The following AP3B1 variants were observed in gnomAD, a reference collection of about 807,000 sequenced individuals.
AP3B1 encodes adaptor related protein complex 3 subunit beta 1.
A neutral mutation model predicts 132.5 loss-of-function variants in AP3B1; 61 were observed. That is an observed-to-expected ratio of 0.46 (90% CI 0.37 to 0.57). The LOEUF (loss-of-function observed/expected upper bound fraction) is 0.57, where lower values mean the gene tolerates loss of function less well. AP3B1 is among the 20% of genes least tolerant of loss of function. The probability of loss-of-function intolerance (pLI) is 0.00; values close to 1 mark genes in which losing one functional copy is unlikely to be tolerated. For missense variants in AP3B1, 1,120 were observed against 1,289.4 expected, an observed-to-expected ratio of 0.87 and a Z score of 2.01; for synonymous variants, 388 against 438.3, an observed-to-expected ratio of 0.89 and a Z score of 1.43.
At position 78,046,453 on chromosome 5, in the gene AP3B1, C is replaced by T. The variant is rs543790862; in HGVS notation, c.2578-7179G>A. ...CATGGAAAAACTGTCTTCCACAAAA[C>T]GGGTCCCTGGTGCCAAAAAGGGCTC... On this transcript the variant is annotated intron_variant, in intron 22 of 26. Transcript: ENST00000255194. 1.1e-4 allele frequency among the ~76,000 whole-genome samples: 17 copies of T among 152,294 alleles called. No homozygotes were observed. The South Asian group carries it at 3.5e-3, about 32-fold the overall frequency.
At chr5:78,077,889 A>T in intron 22 of AP3B1, among the ~76,000 whole-genome samples, 1 of 151,546 alleles carries the variant, frequency 6.6e-6, no homozygotes. Context: ...TCTATGACTC[A>T]CCTCCTTCTT....
chr5:78,009,291 C>CAAA (rs1286628758), intron 26 of AP3B1, among the ~76,000 whole-genome samples: 2 of 51,944 alleles, frequency 3.9e-5, no homozygotes, highest in East Asian at 5.2e-4. Flanking sequence ...CCTGTCTCTA[C>CAAA]AAAAAAAAAA....
chr5:78,086,309 C>T (rs984600160), intron 22 of AP3B1, among the ~76,000 whole-genome samples: 1 of 152,088 alleles, frequency 6.6e-6, no homozygotes, highest in Non-Finnish European at 1.5e-5. Flanking sequence ...TAATGATGTA[C>T]GTGTAATGAA....
rs559501280 is a variant in AP3B1, at chr5:78,077,778, C to T, written c.2577+11615G>A. Among the ~76,000 whole-genome samples, 4 of 152,310 alleles carry T rather than the reference C, an allele frequency of 2.6e-5. No homozygotes were observed. The East Asian group carries it at 7.7e-4, about 29-fold the overall frequency. On this transcript the variant is annotated intron_variant, in intron 22 of 26. Coordinates refer to ENST00000255194, the MANE Select transcript of AP3B1 (RefSeq NM_003664.5). Reference sequence around the variant, plus strand: ...TATCTTCTCTAAGAGATCTTTGTCACCCAGGAGAACTTGGTGGATTTGTCT... The same window carrying T: ...TATCTTCTCTAAGAGATCTTTGTCATCCAGGAGAACTTGGTGGATTTGTCT...
chr5:78,121,830 C>T (rs1027151804), intron 17 of AP3B1: 10 of 152,278 alleles, frequency 6.6e-5, no homozygotes, highest in Admixed American at 6.5e-4. Flanking sequence ...AGGGAAGCCT[C>T]CCTAACTCAT....
intron 24 of AP3B1, among the ~76,000 whole-genome samples, chr5:78,030,394 T>C (rs1747525491): frequency 2.0e-5 from 3 of 152,318 alleles, no homozygotes; most frequent in African/African-American, 7.2e-5. Context: ...ATTGAATCCT[T>C]CGCTGAAAAA....
Position 78,016,557 on chromosome 5 carries a change from T to G in AP3B1, c.2993-1009A>C, listed in dbSNP as rs200788628. 2.1e-4 allele frequency among the ~76,000 whole-genome samples: 32 copies of G among 152,236 alleles called. No individual in the cohort carries two copies. In the East Asian group the frequency reaches 5.6e-3, roughly 27 times the overall value. On this transcript the variant is annotated intron_variant, in intron 25 of 26. Transcript: ENST00000255194. ...ACAAAATTGATGAAAATAGTAAAAA[T>G]CTGATTTCATGTTTTCAAAAGACTC...
intron 7 of AP3B1, among the ~76,000 whole-genome samples, chr5:78,202,875 G>A (rs1034634980): frequency 2.0e-5 from 3 of 152,132 alleles, no homozygotes; most frequent in Admixed American, 2.0e-4. Flanking sequence ...ATACTGAAGT[G>A]TTTAGGTGTA....
At chr5:78,017,129 C>A (rs1198757441) in intron 25 of AP3B1, among the ~76,000 whole-genome samples, 2 of 152,018 alleles carry the variant, frequency 1.3e-5, no homozygotes, top group Non-Finnish European at 2.9e-5. Flanking sequence ...ACACTCTTGT[C>A]ATTAATGGTT....
chr5:78,097,941 T>C (rs1205408534), intron 21 of AP3B1, among the ~76,000 whole-genome samples: 1 of 152,120 alleles, frequency 6.6e-6, no homozygotes, highest in African/African-American at 2.4e-5. Context: ...CTAAGAAAAA[T>C]TCTTCTGCCT....
At chr5:78,087,557 G>T (rs1750315822) in intron 22 of AP3B1, 1 of 985,252 alleles carries the variant, frequency 1.0e-6, no homozygotes, top group Admixed American at 6.2e-5. Context: ...AGCGCTACTT[G>T]TTTGATCATT....
chr5:78,193,754 A>ATT (rs1561469518), intron 7 of AP3B1, among the ~76,000 whole-genome samples: 2 of 118,518 alleles, frequency 1.7e-5, no homozygotes, highest in Non-Finnish European at 3.5e-5. Flanking sequence ...TTATATATAT[A>ATT]TATATATATA....
At chr5:78,154,268 T>C (rs1431454336) in intron 14 of AP3B1, among the ~76,000 whole-genome samples, 1 of 152,318 alleles carries the variant, frequency 6.6e-6, no homozygotes, top group African/African-American at 2.4e-5. Flanking sequence ...GCACTTTATG[T>C]CATGCCACTC....
chr5:78,169,347 A>G (rs1327475249), intron 11 of AP3B1, among the ~76,000 whole-genome samples: 1 of 152,170 alleles, frequency 6.6e-6, no homozygotes, highest in Non-Finnish European at 1.5e-5. Context: ...CCACCCAAAC[A>G]TCATCTTTTC....
chr5:78,187,510 T>G (rs546325099), intron 7 of AP3B1, among the ~76,000 whole-genome samples: 1 of 152,292 alleles, frequency 6.6e-6, no homozygotes, highest in African/African-American at 2.4e-5. Flanking sequence ...CTTATTTTGC[T>G]GTACAAATGT....
chr5:78,184,668 C>G (rs1189433594), intron 7 of AP3B1, among the ~76,000 whole-genome samples: 1 of 142,260 alleles, frequency 7.0e-6, no homozygotes, highest in Non-Finnish European at 1.5e-5. Context: ...GCCTGGGTGA[C>G]ACAGCGAGAC....
At chr5:78,070,356 G>A (rs1749482532) in intron 22 of AP3B1, among the ~76,000 whole-genome samples, 1 of 149,298 alleles carries the variant, frequency 6.7e-6, no homozygotes, top group Admixed American at 6.7e-5. Flanking sequence ...GCAGTGAGCA[G>A]AGATCACGCT....
intron 1 of AP3B1, among the ~76,000 whole-genome samples, chr5:78,268,519 T>C (rs2112563938): frequency 6.6e-6 from 1 of 152,238 alleles, no homozygotes; most frequent in East Asian, 1.9e-4. Context: ...TTCCCCAAAG[T>C]GTCCCATTAT....
intron 2 of AP3B1, among the ~76,000 whole-genome samples, chr5:78,249,573 CTTTTTCTTTTTTTTTTTTTTT>C (rs1747540845): frequency 7.4e-6 from 1 of 135,702 alleles, no homozygotes; most frequent in African/African-American, 2.7e-5. Context: ...TGATTTTTTT[CTTTTTCTTTTTTTTTTTTTTT>C]TTTTTTTGAG....
Sources: gnomAD v4.1 joint callset for allele counts (sites outside exome capture counted in the v4.1 genomes callset) on GRCh38, gnomAD v4.1.1 for gene constraint, MANE v1.5 for transcripts, NCBI Gene and HGNC (gene_info 2026-07-23, HGNC 2026-07-21) for gene names.